The following PTPN4 variants were observed in gnomAD, a reference collection of about 807,000 sequenced individuals.
PTPN4 encodes the protein tyrosine-protein phosphatase non-receptor type 4.
Under a neutral mutation model 135.5 loss-of-function variants are expected in PTPN4, and 49 were observed. The observed-to-expected ratio is 0.36, with a 90% CI of 0.29 to 0.46. The LOEUF is 0.46. Ranked by LOEUF, PTPN4 falls within the 20% of genes least tolerant of loss-of-function variation. PTPN4 has a pLI of 1.00. For missense variants in PTPN4, 860 were observed against 1,101.0 expected, an observed-to-expected ratio of 0.78 and a Z score of 3.10; for synonymous variants, 333 against 369.9, an observed-to-expected ratio of 0.90 and a Z score of 1.14.
At chr2:119,916,436 A>G (rs945570340) in intron 11 of PTPN4, 3 of 152,206 alleles carry the variant, frequency 2.0e-5, no homozygotes, top group African/African-American at 7.2e-5. Context: ...ATTATAAACT[A>G]TGGTTTATCG....
At chr2:119,945,391 A>C (rs1230187276) in intron 16 of PTPN4, 151 bp downstream of exon 16, 6 of 647,990 alleles carry the variant, frequency 9.3e-6, no homozygotes, top group African/African-American at 1.9e-5. Context: ...TTGTGCCATG[A>C]TGTATCTCAA....
In PTPN4 at chr2:119,945,259, T is replaced by C. The variant is rs1679115953; in HGVS notation, c.1515+19T>C. The C allele has an allele frequency of 2.0e-6, 3 of 1,500,164 alleles. No individual in the cohort carries two copies. In the African/African-American group the frequency reaches 4.3e-5, roughly 22 times the overall value. 92.9% of individuals were successfully genotyped at this position (1,500,164 alleles called of 1,614,324 possible). ...ACCCACTGTAAGTAGCTTCTTCAGATATTCTCATTTTTATTTGAATTTTTA... is the reference window on the plus strand; with the variant it reads ...ACCCACTGTAAGTAGCTTCTTCAGACATTCTCATTTTTATTTGAATTTTTA... On this transcript the variant is annotated intron_variant, in intron 16 of 26. Transcript: ENST00000263708.
intron 1 of PTPN4, among the ~76,000 whole-genome samples, chr2:119,797,929 T>A (rs916153278): frequency 3.3e-5 from 5 of 152,292 alleles, no homozygotes; most frequent in Admixed American, 6.5e-5. Context: ...ACATCATTTA[T>A]GTTCAACTCT....
Position 119,948,448 on chromosome 2 carries a change from A to T in PTPN4, c.1656+1874A>T, listed in dbSNP as rs185044366. Reference sequence around the variant, plus strand: ...GCTAAAAACAAAAATTTAAGACTTAAAAAAAAAGCAGTTGTATATCTTTTG... The same window carrying T: ...GCTAAAAACAAAAATTTAAGACTTATAAAAAAAGCAGTTGTATATCTTTTG... On this transcript the variant is annotated intron_variant, in intron 18 of 26. Coordinates refer to ENST00000263708, the MANE Select transcript of PTPN4 (RefSeq NM_002830.4). 2.6e-5 allele frequency among the ~76,000 whole-genome samples: 4 copies of T among 151,924 alleles called. No individual in the cohort carries two copies. The East Asian group carries it at 7.7e-4, about 29-fold the overall frequency.
chr2:119,962,531 T>C (rs972214106), intron 23 of PTPN4, 85 bp from the exon 24 acceptor site: 9 of 828,800 alleles, frequency 1.1e-5, no homozygotes, highest in Non-Finnish European at 1.5e-5. Context: ...TGTTTGAAAT[T>C]TATTAAAAAA....
chr2:119,863,190 TTAGA>T (rs1277694039), intron 3 of PTPN4, among the ~76,000 whole-genome samples: 5 of 152,128 alleles, frequency 3.3e-5, no homozygotes, highest in Admixed American at 1.3e-4. Context: ...GTTCTTTTAA[TTAGA>T]TAGATCACAT....
intron 24 of PTPN4, 72 bp from the exon 25 acceptor site, chr2:119,965,425 A>T: frequency 7.1e-7 from 1 of 1,407,556 alleles, no homozygotes; most frequent in African/African-American, 1.4e-5. Flanking sequence ...TTCCTGATGA[A>T]TTTTATGAGG....
intron 2 of PTPN4, among the ~76,000 whole-genome samples, chr2:119,857,886 A>C (rs980099214): frequency 1.3e-5 from 2 of 152,156 alleles, no homozygotes; most frequent in African/African-American, 4.8e-5. Flanking sequence ...CTGAAATGTG[A>C]TTCCCAGTGT....
intron 13 of PTPN4, among the ~76,000 whole-genome samples, chr2:119,929,841 C>T (rs1678878229): frequency 6.6e-6 from 1 of 152,064 alleles, no homozygotes; most frequent in Non-Finnish European, 1.5e-5. Flanking sequence ...GGTGAGTGTG[C>T]TGGAATTTTT....
At chr2:119,784,733 T>A (rs1691016220) in intron 1 of PTPN4, among the ~76,000 whole-genome samples, 1 of 148,346 alleles carries the variant, frequency 6.7e-6, no homozygotes. Flanking sequence ...AGATGGGGTT[T>A]TGCTGTATTG....
chr2:119,914,378 C>T (rs1357012582), intron 10 of PTPN4, among the ~76,000 whole-genome samples: 1 of 147,816 alleles, frequency 6.8e-6, no homozygotes, highest in African/African-American at 2.5e-5. Context: ...AAATCAGAAA[C>T]CTAAACATGT....
chr2:119,946,896 T>C (rs970803787), intron 18 of PTPN4, among the ~76,000 whole-genome samples: 30 of 152,318 alleles, frequency 2.0e-4, no homozygotes, highest in African/African-American at 7.2e-4. Flanking sequence ...TTTGCTTGTT[T>C]ATTTTTTATT....
At chr2:119,858,992 TA>T (rs1677721310) in intron 2 of PTPN4, among the ~76,000 whole-genome samples, 1 of 152,164 alleles carries the variant, frequency 6.6e-6, no homozygotes. Flanking sequence ...GTTCATTGAT[TA>T]TTTTTTTTCT....
chr2:119,941,203 T>G (rs2105044390), intron 15 of PTPN4, among the ~76,000 whole-genome samples: 1 of 152,374 alleles, frequency 6.6e-6, no homozygotes, highest in Non-Finnish European at 1.5e-5. Flanking sequence ...AAGGTTTACC[T>G]ATGAAAATCA....
At chr2:119,813,428 G>T (rs1257159683) in intron 2 of PTPN4, among the ~76,000 whole-genome samples, 1 of 151,824 alleles carries the variant, frequency 6.6e-6, no homozygotes, top group Non-Finnish European at 1.5e-5. Context: ...TGTGTTTTTA[G>T]TAGAGACAGG....
intron 3 of PTPN4, among the ~76,000 whole-genome samples, chr2:119,863,239 G>A (rs565513477): frequency 1.3e-5 from 2 of 152,138 alleles, no homozygotes; most frequent in Admixed American, 1.3e-4. Context: ...ATGAATAATA[G>A]AAATGTTTAC....
intron 9 of PTPN4, among the ~76,000 whole-genome samples, chr2:119,895,251 A>G (rs1287014164): frequency 6.6e-6 from 1 of 152,232 alleles, no homozygotes; most frequent in African/African-American, 2.4e-5. Context: ...TGTAAAATTA[A>G]TGTTGTTCTT....
chr2:119,952,182 T>G, intron 19 of PTPN4, 53 bp downstream of exon 19: 1 of 1,482,270 alleles, frequency 6.7e-7, no homozygotes, highest in Non-Finnish European at 9.2e-7. Context: ...TACTGTTCAT[T>G]ACTGAGCACA....
intron 2 of PTPN4, among the ~76,000 whole-genome samples, chr2:119,849,070 C>T (rs895200631): frequency 2.0e-5 from 3 of 152,050 alleles, no homozygotes; most frequent in African/African-American, 7.2e-5. Context: ...ATTTCTATCT[C>T]TTTATATTTT....
Sources: gnomAD v4.1 joint callset for allele counts (sites outside exome capture counted in the v4.1 genomes callset) on GRCh38, gnomAD v4.1.1 for gene constraint, MANE v1.5 for transcripts, NCBI Gene and HGNC (gene_info 2026-07-23, HGNC 2026-07-21) for gene names.